Variants in JADE3 observed in about 807,000 individuals in gnomAD.
JADE3 encodes the protein jade family PHD finger 3.
JADE3 carries 2 observed loss-of-function variants against 50.1 expected under a neutral mutation model. That is an observed-to-expected ratio of 0.04 (90% CI 0.02 to 0.13). The LOEUF (loss-of-function observed/expected upper bound fraction) is 0.13. Among genes scored for constraint, JADE3 ranks in the 10% least tolerant of loss-of-function variants. JADE3 has a pLI of 1.00. For missense variants in JADE3, 475 were observed against 634.4 expected (o/e 0.75, Z 2.70); for synonymous variants, 218 against 232.9 (o/e 0.94, Z 0.58).
intron 1 of JADE3, among the ~76,000 whole-genome samples, chrX:46,952,592 C>G (rs1927028936): frequency 8.9e-6 from 1 of 112,480 alleles, no homozygotes; most frequent in African/African-American, 3.2e-5. Context: ...CTGGTACTTT[C>G]TACTTTTCCA....
intron 1 of JADE3, among the ~76,000 whole-genome samples, chrX:46,978,188 C>T (rs782262386): frequency 7.7e-4 from 86 of 111,786 alleles, no homozygotes; most frequent in African/African-American, 2.6e-3. Context: ...AATGCACTAA[C>T]ACCTAACGAT....
chrX:46,982,279 G>T (rs1284088284), intron 1 of JADE3, among the ~76,000 whole-genome samples: 2 of 110,452 alleles, frequency 1.8e-5, no homozygotes, highest in Non-Finnish European at 3.8e-5. Context: ...CATTTCAATT[G>T]TGCTTTCATC....
At chrX:47,005,277 G>A (rs952486573) in intron 4 of JADE3, among the ~76,000 whole-genome samples, 1 of 111,435 alleles carries the variant, frequency 9.0e-6, no homozygotes, top group Admixed American at 9.6e-5. Flanking sequence ...CTGAATCTCT[G>A]TCGCCCAGGC....
chrX:46,918,777 A>G (rs1926161200), intron 1 of JADE3, among the ~76,000 whole-genome samples: 1 of 112,058 alleles, frequency 8.9e-6, no homozygotes, highest in Non-Finnish European at 1.9e-5. Flanking sequence ...ACTTACTAAC[A>G]TGGTGGTCTT....
At chrX:46,935,580 C>T (rs1602374977) in intron 1 of JADE3, among the ~76,000 whole-genome samples, 1 of 109,985 alleles carries the variant, frequency 9.1e-6, no homozygotes, top group African/African-American at 3.3e-5. Flanking sequence ...TGTTGTGAAC[C>T]GCTAATGTGA....
intron 1 of JADE3, among the ~76,000 whole-genome samples, chrX:46,925,920 A>G (rs912204021): frequency 1.9e-5 from 2 of 107,415 alleles, no homozygotes; most frequent in Non-Finnish European, 3.8e-5. Context: ...CACTGGCCCT[A>G]TCATAGCTGA....
intron 1 of JADE3, among the ~76,000 whole-genome samples, chrX:46,968,079 G>A (rs1602388303): frequency 8.9e-6 from 1 of 111,874 alleles, no homozygotes; most frequent in African/African-American, 3.2e-5. Context: ...AGTTTTACCC[G>A]TTTCTTAGCC....
intron 1 of JADE3, among the ~76,000 whole-genome samples, chrX:46,921,234 G>T (rs1926214192): frequency 1.8e-5 from 2 of 111,884 alleles, no homozygotes; most frequent in Non-Finnish European, 3.8e-5. Context: ...ATGCCACTAT[G>T]CCCACCTATT....
intron 10 of JADE3, among the ~76,000 whole-genome samples, chrX:47,056,965 G>T (rs1458370847): frequency 1.8e-5 from 2 of 112,149 alleles, no homozygotes; most frequent in African/African-American, 6.5e-5. Context: ...ACTCAGAAAT[G>T]AGGTGACAGG....
chrX:46,926,021 AATTTTATTTTATTTTATTTTATTTT>A (rs201354375), intron 1 of JADE3, among the ~76,000 whole-genome samples: 25 of 80,101 alleles, frequency 3.1e-4, no homozygotes, highest in Non-Finnish European at 5.3e-4. Flanking sequence ...ATGCCCAGCT[AATTTTATTTTATTTTATTTTATTTT>A]ATTTTATTTT....
At chrX:47,045,842 CAA>C (rs782659514) in intron 8 of JADE3, among the ~76,000 whole-genome samples, 3 of 87,258 alleles carry the variant, frequency 3.4e-5, no homozygotes, top group African/African-American at 8.0e-5. Context: ...TGTCTTGAAA[CAA>C]AAAAAAAAAA....
At position 46,959,643 on chromosome X, in the gene JADE3, G is replaced by T. The variant is rs782794348; in HGVS notation, c.-11-25241G>T. 9.0e-5 allele frequency among the ~76,000 whole-genome samples: 10 copies of T among 111,400 alleles called. No individual in the cohort carries two copies. In the South Asian group the frequency reaches 3.1e-3, roughly 35 times the overall value. On this transcript the variant is annotated intron_variant, in intron 1 of 10. Transcript: ENST00000614628. ...AGGCTATCCTGAGGAAATGTTGTTT[G>T]GATTGAAATCTGACATGACTAGGAG...
chrX:47,046,463 T>A (rs1230739400), intron 8 of JADE3, among the ~76,000 whole-genome samples: 1 of 112,104 alleles, frequency 8.9e-6, no homozygotes, highest in African/African-American at 3.2e-5. Context: ...AAAGAAGAAC[T>A]AGTACCAGTG....
intron 7 of JADE3, among the ~76,000 whole-genome samples, chrX:47,036,657 C>T (rs1556367995): frequency 2.1e-5 from 2 of 95,748 alleles, no homozygotes; most frequent in Non-Finnish European, 2.1e-5. Flanking sequence ...GACACATGCA[C>T]ACGTATGTTT....
chrX:46,982,071 T>C (rs1927766845), intron 1 of JADE3, among the ~76,000 whole-genome samples: 2 of 111,469 alleles, frequency 1.8e-5, no homozygotes, highest in African/African-American at 3.2e-5. Flanking sequence ...TGCTCCTTTC[T>C]CATTCACTTT....
chrX:46,934,158 G>T (rs142735992), intron 1 of JADE3, among the ~76,000 whole-genome samples: 3 of 110,971 alleles, frequency 2.7e-5, no homozygotes, highest in African/African-American at 9.9e-5. Flanking sequence ...TTTTTAAGAC[G>T]GAGTCTCGGC....
chrX:46,925,598 G>C (rs1926337234), intron 1 of JADE3, among the ~76,000 whole-genome samples: 1 of 110,987 alleles, frequency 9.0e-6, no homozygotes, highest in Non-Finnish European at 1.9e-5. Flanking sequence ...GAGGCAGGGG[G>C]ATCATGAGGT....
rs376418800 is a variant in JADE3 at position 46,928,813 on chromosome X, A to G, written c.-12+16094A>G. 6.2e-4 allele frequency among the ~76,000 whole-genome samples: 69 copies of G among 111,083 alleles called. No individual in the cohort carries two copies. The South Asian group carries it at 0.024, about 38-fold the overall frequency. On this transcript the variant is annotated intron_variant, in intron 1 of 10. Transcript: ENST00000614628. ...TTTTTTGTAGAGACAGGGTCTCACT[A>G]TATTGTGCAGGCTGGTCTTAAATTC...
At chrX:46,955,960 C>T (rs1433719127) in intron 1 of JADE3, among the ~76,000 whole-genome samples, 3 of 112,215 alleles carry the variant, frequency 2.7e-5, no homozygotes, top group Non-Finnish European at 3.8e-5. Context: ...TGGCTCTCCT[C>T]TCCATAGTCA....
Sources: gnomAD v4.1 joint callset for allele counts (sites outside exome capture counted in the v4.1 genomes callset) on GRCh38, gnomAD v4.1.1 for gene constraint, MANE v1.5 for transcripts, NCBI Gene and HGNC (gene_info 2026-07-23, HGNC 2026-07-21) for gene names.